Variants in PTPRU observed in about 807,000 individuals in gnomAD.
PTPRU encodes receptor-type tyrosine-protein phosphatase U.
A neutral mutation model predicts 166.3 loss-of-function variants in PTPRU; 69 were observed. That is an observed-to-expected ratio of 0.41 (90% confidence interval 0.34 to 0.51). The LOEUF (loss-of-function observed/expected upper bound fraction) is 0.51, where lower values mean the gene tolerates loss of function less well. Among genes scored for constraint, PTPRU ranks in the 20% least tolerant of loss-of-function variants. PTPRU has a pLI of 0.09. For missense variants in PTPRU, 1,657 were observed against 2,013.7 expected (o/e 0.82, Z 3.39); for synonymous variants, 793 against 814.0 (o/e 0.97, Z 0.44).
Position 29,315,593 on chromosome 1 carries a change from C to T in PTPRU, c.3363+86C>T, listed in dbSNP as rs907772826. 5.8e-6 allele frequency: 9 copies of T among 1,565,206 alleles called. No homozygotes were observed. The highest frequency in any genetic ancestry group is 7.9e-6 in the Non-Finnish European group (9 of 1,144,232). On this transcript the variant is annotated intron_variant, in intron 23 of 29. Transcript: ENST00000373779. This position sits in a 1 kb window ranked among gnomAD's most constrained non-coding sequence, Gnocchi z 4.5. ...GGATCCTGGAGCCGGCAGAGCATGC[C>T]CAAAGGGTGTCCTGAGGCTCTTGCC...
intron 29 of PTPRU, 67 bp from the exon 30 acceptor site, chr1:29,325,532 C>G: frequency 6.5e-7 from 1 of 1,541,266 alleles, no homozygotes; most frequent in Non-Finnish European, 8.9e-7. Context: ...ACTCCCCGTT[C>G]CCCTCCCCCC....
At chr1:29,284,054 A>T in intron 13 of PTPRU, 78 bp downstream of exon 13, 1 of 1,561,992 alleles carries the variant, frequency 6.4e-7, no homozygotes, top group South Asian at 1.1e-5. Context: ...GATCCTGAGG[A>T]CCTACGGCTG....
intron 7 of PTPRU, among the ~76,000 whole-genome samples, chr1:29,274,798 C>T (rs1013875478): frequency 1.3e-5 from 2 of 152,028 alleles, no homozygotes; most frequent in African/African-American, 4.8e-5. Flanking sequence ...CACCTGTAAC[C>T]CAAGCACTTT....
intron 15 of PTPRU, among the ~76,000 whole-genome samples, chr1:29,296,639 G>A (rs1364978708): frequency 6.6e-6 from 1 of 150,642 alleles, no homozygotes; most frequent in Non-Finnish European, 1.5e-5. Flanking sequence ...CTCCTGAATA[G>A]CTGGGATGAC....
At chr1:29,304,877 C>A (rs757769223) in intron 17 of PTPRU, 28 bp downstream of exon 17, 8 of 1,579,944 alleles carry the variant, frequency 5.1e-6, no homozygotes, top group Non-Finnish European at 6.1e-6. Context: ...GCCTGGGGTC[C>A]AGGGCAGTGG....
At chr1:29,243,128 A>C (rs535659460) in intron 1 of PTPRU, among the ~76,000 whole-genome samples, 76 of 152,076 alleles carry the variant, frequency 5.0e-4, no homozygotes, top group African/African-American at 1.8e-3. Context: ...CCATCTCCTG[A>C]CCTCATGACC....
rs538867374 is a variant in PTPRU at position 29,304,020 on chromosome 1, G to A, written c.2642G>A (p.Gly881Asp). 12 of 1,610,580 alleles carry A rather than the reference G, an allele frequency of 7.5e-6. No individual in the cohort carries two copies. In the East Asian group the frequency reaches 2.0e-4, roughly 27 times the overall value. Residue 881 changes from glycine (G) to aspartate (D), a missense_variant, in exon 16 of 30, where the codon GGT becomes GAT. Physicochemically the swap from Gly to Asp is moderately conservative, Grantham distance 94. Coordinates refer to ENST00000373779, the MANE Select transcript of PTPRU (RefSeq NM_133178.4). ...QHINQMKTAE[G>D]YGFKQEYESF... is the part of the protein sequence containing the mutation. ...ATCAACCAGATGAAGACGGCCGAGG[G>A]TTACGGCTTCAAGCAGGAGTATGAG...
In PTPRU at chr1:29,259,416, G is replaced by A. The variant is rs567153789; in HGVS notation, c.560-33G>A. 36 of 1,607,778 alleles carry A rather than the reference G, an allele frequency of 2.2e-5. No homozygotes were observed. The Admixed American group carries it at 2.8e-4, about 13-fold the overall frequency. ...GCGGCTCCTGCCTGCAGGGGGTGCA[G>A]GCCCAGCTCACGATGCAGCTCTAAC... is the stretch of plus-strand genomic sequence containing the variant. On this transcript the variant is annotated intron_variant, in intron 4 of 29. Coordinates refer to ENST00000373779, the MANE Select transcript of PTPRU (RefSeq NM_133178.4).
chr1:29,263,530 A>G (rs1403684935), intron 7 of PTPRU, among the ~76,000 whole-genome samples: 1 of 152,218 alleles, frequency 6.6e-6, no homozygotes, highest in Non-Finnish European at 1.5e-5. Flanking sequence ...CATATATATC[A>G]TAAGATATCT....
chr1:29,325,569 A>G (rs1688376833), intron 29 of PTPRU, 30 bp from the exon 30 acceptor site: 1 of 1,592,442 alleles, frequency 6.3e-7, no homozygotes, highest in African/African-American at 1.3e-5. Flanking sequence ...GGTCAGGCTC[A>G]TGATTCCCTC....
chr1:29,289,532 G>T, intron 14 of PTPRU: 1 of 798,548 alleles, frequency 1.3e-6, no homozygotes, highest in South Asian at 1.7e-5. Flanking sequence ...TGACCAGGGA[G>T]GTCCTCCTGA....
Position 29,284,737 on chromosome 1 carries a change from G to A in PTPRU, c.2186G>A (p.Cys729Tyr). The part of the protein sequence containing the change: ...NCIRIARKAA[C>Y]KESKRPLEVS... ...TCTGCTTTGTTCTCCCCAGCTGCCT[G>A]CAAGGAAAGCAAGCGGCCCCTGGAG... Residue 729 changes from cysteine to tyrosine, a missense_variant, in exon 14 of 30, where the codon TGC becomes TAC. By Grantham distance (194) the Cys-to-Tyr change is radical. Transcript: ENST00000373779. 6.2e-7 allele frequency: 1 copy of A among 1,614,066 alleles called. No homozygotes were observed. The highest frequency in any genetic ancestry group is 8.5e-7 in the Non-Finnish European group (1 of 1,179,976).
chr1:29,302,981 GCAGCCCAGGTC>G (rs532304697), intron 15 of PTPRU, among the ~76,000 whole-genome samples: 2 of 152,318 alleles, frequency 1.3e-5, no homozygotes, highest in South Asian at 4.1e-4. Flanking sequence ...GCTATGCCGT[GCAGCCCAGGTC>G]CATGGAGTAG....
At chr1:29,289,687 G>T in intron 14 of PTPRU, 1 of 1,614,048 alleles carries the variant, frequency 6.2e-7, no homozygotes, top group Admixed American at 1.7e-5. Context: ...TGCCAGGAGA[G>T]ACCACTATGC....
rs1361445070 is a variant in PTPRU, at chr1:29,260,268, G to A, written c.850+224G>A. ...TTCGAGGGGGACGGACAGGGTCAAG[G>A]TGAGAGCCTAAAGAGGGGTGGGGTT... On this transcript the variant is annotated intron_variant, in intron 6 of 29. Coordinates refer to ENST00000373779, the MANE Select transcript of PTPRU (RefSeq NM_133178.4). This position sits in a 1 kb window ranked among gnomAD's most constrained non-coding sequence, Gnocchi z 8.3. 7.6e-6 allele frequency: 4 copies of A among 529,344 alleles called. No homozygotes were observed. Among genetic ancestry groups the A allele is most frequent in the African/African-American group, 4.0e-5 (2 of 49,740 alleles). The allele number at this position is 529,344 out of a possible 1,614,324, so 32.8% of individuals were successfully genotyped here.
intron 22 of PTPRU, 60 bp downstream of exon 22, chr1:29,312,766 G>A (rs970696727): frequency 6.5e-7 from 1 of 1,543,530 alleles, no homozygotes; most frequent in Non-Finnish European, 8.8e-7. Context: ...ATTTGGGCTT[G>A]GGGTCAGGTT....
chr1:29,318,698 C>T (rs148434462), intron 25 of PTPRU, among the ~76,000 whole-genome samples: 231 of 152,298 alleles, frequency 1.5e-3, no homozygotes, highest in Non-Finnish European at 2.4e-3. Flanking sequence ...GCCGTGCAAC[C>T]GCAGGCCACC....
At chr1:29,283,040 C>T (rs1435449469) in intron 12 of PTPRU, 91 bp downstream of exon 12, 5 of 1,522,574 alleles carry the variant, frequency 3.3e-6, no homozygotes, top group South Asian at 1.2e-5. Flanking sequence ...GCGCAGACTC[C>T]AGGCCCGGCA....
chr1:29,314,389 G>A (rs948999359), intron 22 of PTPRU, among the ~76,000 whole-genome samples: 1 of 152,098 alleles, frequency 6.6e-6, no homozygotes, highest in African/African-American at 2.4e-5. Flanking sequence ...GTTGCTGTAT[G>A]TCCTCGCTAG....
Sources: allele counts gnomAD v4.1 joint callset (sites outside exome capture counted in the v4.1 genomes callset), GRCh38; gene constraint gnomAD v4.1.1; non-coding constraint Gnocchi (gnomAD v3.1); transcripts MANE v1.5; gene names NCBI Gene and HGNC (gene_info 2026-07-23, HGNC 2026-07-21).